Variants in CST4 observed in about 807,000 individuals in gnomAD.
CST4 encodes cystatin S, also known as cystatin-S.
Under a neutral mutation model 11.2 loss-of-function variants are expected in CST4, and 17 were observed. The ratio of observed to expected loss-of-function variants is 1.52; its 90% confidence interval spans 1.04 to 2.27. The LOEUF (loss-of-function observed/expected upper bound fraction) is 2.27. Among genes scored for constraint, CST4 ranks in the 30% most tolerant of loss-of-function variants. CST4 has a pLI of 0.00. For missense variants in CST4, 251 were observed against 180.2 expected, an observed-to-expected ratio of 1.39 and a Z score of -2.25; for synonymous variants, 93 against 70.1, an observed-to-expected ratio of 1.33 and a Z score of -1.63.
At position 23,688,926 on chromosome 20, in the gene CST4, AG is replaced by A; in HGVS notation, c.43del (p.Leu15TrpfsTer15). 1 of 1,614,162 alleles carries A rather than the reference AG, an allele frequency of 6.2e-7. No homozygotes were observed. The highest frequency in any genetic ancestry group is 2.2e-5 in the East Asian group (1 of 44,864). On this transcript the variant is annotated frameshift_variant, in exon 1 of 3. Coordinates refer to ENST00000217423, the MANE Select transcript of CST4 (RefSeq NM_001899.3). LOFTEE classifies it high-confidence loss of function. ...LCTLLLLMAT[L>X]AGALASSSKE... is the part of the protein sequence containing the mutation. ...GGAGCTCGAGGCCAGAGCCCCAGCC[AG>A]GGTAGCCATCAGGAGTAGCAGGGTA...
At chr20:23,687,826 A>G (rs527288319) in intron 1 of CST4, among the ~76,000 whole-genome samples, 1 of 152,312 alleles carries the variant, frequency 6.6e-6, no homozygotes, top group East Asian at 1.9e-4. Context: ...CAGTTTACCC[A>G]TGTATAAAAT....
Position 23,688,915 on chromosome 20 carries a change from G to C in CST4, c.55C>G (p.Leu19Val). The change falls in exon 1 of 3, where the codon CTG becomes GTG. Residue 19 changes from leucine (L) to valine (V), a missense_variant. By Grantham distance (32) the Leu-to-Val change is conservative. Transcript: ENST00000217423. ...LLLMATLAGA[L>V]ASSSKEENRI... is the part of the protein sequence containing the mutation. ...TTCTCCTCCTTGGAGCTCGAGGCCA[G>C]AGCCCCAGCCAGGGTAGCCATCAGG... is the stretch of plus-strand genomic sequence containing the variant. The C allele has an allele frequency of 1.2e-6, 2 of 1,614,076 alleles. No homozygotes were observed. The highest frequency in any genetic ancestry group is 4.5e-5 in the East Asian group (2 of 44,882).
chr20:23,688,756 G>T lies in CST4; in HGVS notation c.214C>A (p.Arg72=), dbSNP rs769001677. 1 of 1,614,110 alleles carries T rather than the reference G, an allele frequency of 6.2e-7. No homozygotes were observed. The highest frequency in any genetic ancestry group is 1.1e-5 in the South Asian group (1 of 91,074). ...EYYRRPLQVL[R]AREQTFGGVN... is the part of the protein sequence containing the mutation. ...GCAGCACCCACCTGCTCCCTGGCTCGCAGCACCTGCAGCGGGCGTCTGTAG... is the reference window on the plus strand; with the variant it reads ...GCAGCACCCACCTGCTCCCTGGCTCTCAGCACCTGCAGCGGGCGTCTGTAG... Residue 72 remains arginine, a synonymous_variant, in exon 1 of 3, where the codon CGA becomes AGA. Coordinates refer to ENST00000217423, the MANE Select transcript of CST4 (RefSeq NM_001899.3).
intron 1 of CST4, among the ~76,000 whole-genome samples, chr20:23,687,845 A>G (rs1170591901): frequency 2.6e-5 from 4 of 152,336 alleles, no homozygotes; most frequent in South Asian, 4.1e-4. Context: ...ATAGGCTTCC[A>G]GGTCTGATGG....
rs1981132311 is a variant in CST4, at chr20:23,688,820, G to A, written c.150C>T (p.Phe50=). Residue 50 remains phenylalanine (F), a synonymous_variant, in exon 1 of 3, where the codon TTC becomes TTT. Transcript: ENST00000217423. ...TGGCCTTGTTGTACTCGCTGATGGCGAAGTGAAGGGCACGCTGTACCCACT... is the reference window on the plus strand; with the variant it reads ...TGGCCTTGTTGTACTCGCTGATGGCAAAGTGAAGGGCACGCTGTACCCACT... ...NDEWVQRALH[F]AISEYNKATE... The A allele has an allele frequency of 1.3e-5, 21 of 1,614,174 alleles. No homozygotes were observed. Among genetic ancestry groups the A allele is most frequent in the Non-Finnish European group, 1.8e-5 (21 of 1,180,028 alleles).
At chr20:23,688,605 G>T in intron 1 of CST4, 137 bp downstream of exon 1, 1 of 815,120 alleles carries the variant, frequency 1.2e-6, no homozygotes, top group Non-Finnish European at 2.0e-6. Context: ...GGGCATCAGC[G>T]GAGAGTCAGA....
chr20:23,686,431 T>C (rs890040764), intron 2 of CST4, among the ~76,000 whole-genome samples: 2 of 152,136 alleles, frequency 1.3e-5, no homozygotes, highest in African/African-American at 2.4e-5. Context: ...CGCTCTCCCC[T>C]GAGTGGAGAC....
intron 1 of CST4, among the ~76,000 whole-genome samples, chr20:23,688,238 A>C (rs1330143964): frequency 6.6e-6 from 1 of 152,222 alleles, no homozygotes; most frequent in African/African-American, 2.4e-5. Context: ...GGACTCAGCC[A>C]TCCTGGCCTG....
rs1403002956 is a variant in CST4, at chr20:23,688,844, C to G, written c.126G>C (p.Glu42Asp). The G allele has an allele frequency of 6.2e-7, 1 of 1,614,182 alleles. No individual in the cohort carries two copies. Among genetic ancestry groups the G allele is most frequent in the Non-Finnish European group, 8.5e-7 (1 of 1,180,026 alleles). ...CGAAGTGAAGGGCACGCTGTACCCA[C>G]TCATCATTGAGGTCTGCATCATAGA... is the stretch of plus-strand genomic sequence containing the variant. ...GGIYDADLND[E>D]WVQRALHFAI... The change falls in exon 1 of 3, where the codon GAG becomes GAC. Residue 42 changes from glutamate (E) to aspartate (D), a missense_variant. Coordinates refer to ENST00000217423, the MANE Select transcript of CST4 (RefSeq NM_001899.3).
At position 23,688,914 on chromosome 20, in the gene CST4, A is replaced by C; in HGVS notation, c.56T>G (p.Leu19Arg). 1.2e-6 allele frequency: 2 copies of C among 1,614,206 alleles called. No individual in the cohort carries two copies. The change falls in exon 1 of 3, where the codon CTG becomes CGG. Residue 19 changes from leucine (L) to arginine (R), a missense_variant. Transcript: ENST00000217423. ...LLLMATLAGA[L>R]ASSSKEENRI... is the part of the protein sequence containing the mutation. Reference sequence around the variant, plus strand: ...ATTCTCCTCCTTGGAGCTCGAGGCCAGAGCCCCAGCCAGGGTAGCCATCAG... The same window carrying C: ...ATTCTCCTCCTTGGAGCTCGAGGCCCGAGCCCCAGCCAGGGTAGCCATCAG...
In CST4 at chr20:23,688,978, C is replaced by A. The variant is rs762751923; in HGVS notation, c.-9G>T. 1 of 1,612,858 alleles carries A rather than the reference C, an allele frequency of 6.2e-7. No homozygotes were observed. The highest frequency in any genetic ancestry group is 8.5e-7 in the Non-Finnish European group (1 of 1,179,152). On this transcript the variant is annotated 5_prime_UTR_variant, in exon 1 of 3. Coordinates refer to ENST00000217423, the MANE Select transcript of CST4 (RefSeq NM_001899.3). The stretch of plus-strand genomic sequence containing the variant: ...CACAGAGGCCGGGCCATGGTCTCCT[C>A]AGAGGCAGAGCACAAAGCTGGAGCT...
rs374666783 is a variant in CST4, at chr20:23,686,113, C to T, written c.343-136G>A. The T allele has an allele frequency of 4.3e-4, 385 of 895,422 alleles. 2 individuals are homozygous for T. Among genetic ancestry groups the T allele is most frequent in the African/African-American group, 4.0e-3 (243 of 60,466 alleles). The allele number at this position is 895,422 out of a possible 1,614,324, so 55.5% of individuals were successfully genotyped here. On this transcript the variant is annotated intron_variant, in intron 2 of 2. Transcript: ENST00000217423. ...ACCCTCACCCACCCCTGCTGAGTCC[C>T]AGAGCACTGAACTAGAATGAGTAGT...
At chr20:23,686,811 C>T (rs1403204696) in intron 2 of CST4, among the ~76,000 whole-genome samples, 1 of 152,108 alleles carries the variant, frequency 6.6e-6, no homozygotes, top group East Asian at 1.9e-4. Flanking sequence ...GTACAAACCC[C>T]CATACTTCCG....
Position 23,685,882 on chromosome 20 carries a change from T to C in CST4, c.*12A>G. On this transcript the variant is annotated 3_prime_UTR_variant, in exon 3 of 3. Transcript: ENST00000217423. ...TGGGTGGTGGTCGGTGTGACTGGCCTGGCACAGACCCCTAGGCTTCTTGAC... is the reference window on the plus strand; with the variant it reads ...TGGGTGGTGGTCGGTGTGACTGGCCCGGCACAGACCCCTAGGCTTCTTGAC... The C allele has an allele frequency of 3.1e-6, 5 of 1,613,704 alleles. No individual in the cohort carries two copies. Among genetic ancestry groups the C allele is most frequent in the Non-Finnish European group, 4.2e-6 (5 of 1,179,630 alleles).
At position 23,688,964 on chromosome 20, in the gene CST4, G is replaced by A; in HGVS notation, c.6C>T (p.Ala2=). 6.2e-7 allele frequency: 1 copy of A among 1,613,880 alleles called. No individual in the cohort carries two copies. ...GGAGTAGCAGGGTACACAGAGGCCG[G>A]GCCATGGTCTCCTCAGAGGCAGAGC... M[A]RPLCTLLLLM... Residue 2 remains alanine (A), a synonymous_variant, in exon 1 of 3, where the codon GCC becomes GCT. Coordinates refer to ENST00000217423, the MANE Select transcript of CST4 (RefSeq NM_001899.3).
chr20:23,686,079 A>C, intron 2 of CST4, 102 bp from the exon 3 acceptor site: 1 of 1,246,816 alleles, frequency 8.0e-7, no homozygotes, highest in South Asian at 1.3e-5. Flanking sequence ...GATGGAGGTG[A>C]GACACTGCAC....
Position 23,685,673 on chromosome 20 carries a change from G to T in CST4, c.*221C>A, listed in dbSNP as rs528831275. ...TACTGTTTAATTGCAGGAGGTGGGG[G>T]TGTGTGTACCATGTACCAGGTCTAT... On this transcript the variant is annotated 3_prime_UTR_variant, in exon 3 of 3. Transcript: ENST00000217423. 2.4e-4 allele frequency: 139 copies of T among 587,268 alleles called. 2 individuals carry two copies. The highest frequency in any genetic ancestry group is 1.8e-3 in the South Asian group (86 of 47,016). 36.4% of individuals were successfully genotyped at this position (587,268 alleles called of 1,614,324 possible).
intron 2 of CST4, 110 bp from the exon 3 acceptor site, chr20:23,686,087 C>G (rs1004774710): frequency 1.9e-4 from 198 of 1,057,512 alleles, no homozygotes; most frequent in African/African-American, 2.5e-4. Flanking sequence ...TGAGACACTG[C>G]ACCCTCACCC....
chr20:23,687,038 G>C (rs776581275), intron 2 of CST4, 50 bp downstream of exon 2: 4 of 1,610,358 alleles, frequency 2.5e-6, no homozygotes, highest in Non-Finnish European at 3.4e-6. Context: ...TGACACATAC[G>C]CACCCCTCTG....
Sources: allele counts gnomAD v4.1 joint callset (sites outside exome capture counted in the v4.1 genomes callset), GRCh38; gene constraint gnomAD v4.1.1; transcripts MANE v1.5; gene names NCBI Gene and HGNC (gene_info 2026-07-23, HGNC 2026-07-21).